Variants in DNAH6 observed in about 807,000 individuals in gnomAD.
DNAH6 encodes axonemal beta dynein heavy chain 6.
DNAH6 carries 340 observed loss-of-function variants against 491.4 expected under a neutral mutation model. The ratio of observed to expected loss-of-function variants is 0.69; its 90% CI spans 0.63 to 0.76. The LOEUF (loss-of-function observed/expected upper bound fraction) is 0.76. DNAH6 is among the 30% of genes least tolerant of loss of function. DNAH6 has a pLI of 0.00. For synonymous variants in DNAH6, 1,603 were observed against 1,686.1 expected (o/e 0.95, Z 1.21); for missense variants, 4,443 against 4,972.2 (o/e 0.89, Z 3.20).
intron 43 of DNAH6, among the ~76,000 whole-genome samples, 194 bp downstream of exon 43, chr2:84,685,666 G>A (rs980635819): frequency 6.6e-6 from 1 of 151,886 alleles, no homozygotes; most frequent in African/African-American, 2.4e-5. Context: ...TTCAGGAAGG[G>A]TCAGTCGGGC....
At chr2:84,666,596 T>C (rs4832105) in intron 37 of DNAH6, among the ~76,000 whole-genome samples, 116,814 of 152,006 alleles carry the variant, frequency 0.77, 47,090 homozygotes, top group East Asian at 0.93. Context: ...CTCAACAAAA[T>C]AAAAGATGAC....
chr2:84,460,903 A>G, the DNAH6 span, among the ~76,000 whole-genome samples: 1 of 152,242 alleles, frequency 6.6e-6, no homozygotes, highest in African/African-American at 2.4e-5. Flanking sequence ...GGTTTTGCCT[A>G]GGCCTTTCCT....
At chr2:84,569,273 G>A (rs1681535990) in intron 11 of DNAH6, among the ~76,000 whole-genome samples, 1 of 151,870 alleles carries the variant, frequency 6.6e-6, no homozygotes, top group Admixed American at 6.6e-5. Context: ...AAAAGGCAAA[G>A]TACAAAAGAA....
At chr2:84,561,080 T>C (rs1461191508) in intron 11 of DNAH6, among the ~76,000 whole-genome samples, 4 of 151,884 alleles carry the variant, frequency 2.6e-5, no homozygotes, top group African/African-American at 4.8e-5. Flanking sequence ...CCACCAACAG[T>C]GTAAAAGTGT....
At chr2:84,535,457 T>C (rs1008569681) in intron 4 of DNAH6, among the ~76,000 whole-genome samples, 2 of 151,966 alleles carry the variant, frequency 1.3e-5, no homozygotes, top group African/African-American at 4.8e-5. Context: ...TCAACACCTT[T>C]TCAGAGATAT....
At chr2:84,596,074 G>A (rs1684548956) in intron 18 of DNAH6, among the ~76,000 whole-genome samples, 2 of 152,158 alleles carry the variant, frequency 1.3e-5, no homozygotes, top group South Asian at 2.1e-4. Flanking sequence ...AGATACTGAT[G>A]TGCTCAAACC....
chr2:84,760,301 TA>T (rs1674448533), intron 63 of DNAH6, among the ~76,000 whole-genome samples: 1 of 145,158 alleles, frequency 6.9e-6, no homozygotes, highest in African/African-American at 2.7e-5. Flanking sequence ...CAACAAAAAA[TA>T]GGCAAATGGG....
chr2:84,642,563 C>G (rs1689518057), intron 33 of DNAH6, among the ~76,000 whole-genome samples: 1 of 151,936 alleles, frequency 6.6e-6, no homozygotes, highest in Non-Finnish European at 1.5e-5. Flanking sequence ...TTCTGCTATC[C>G]CCCTCCAAAC....
At chr2:84,765,957 G>T (rs1009090339) in intron 64 of DNAH6, among the ~76,000 whole-genome samples, 23 of 152,120 alleles carry the variant, frequency 1.5e-4, no homozygotes, top group African/African-American at 5.3e-4. Flanking sequence ...TGAAGCAAAA[G>T]ATTTTATTAA....
intron 12 of DNAH6, among the ~76,000 whole-genome samples, chr2:84,576,310 G>T (rs975663788): frequency 6.6e-6 from 1 of 152,034 alleles, no homozygotes; most frequent in Non-Finnish European, 1.5e-5. Context: ...GCCACACATG[G>T]GTTAAAGACC....
intron 63 of DNAH6, among the ~76,000 whole-genome samples, chr2:84,747,271 C>T (rs1309707914): frequency 6.6e-6 from 1 of 152,166 alleles, no homozygotes; most frequent in African/African-American, 2.4e-5. Context: ...TTCCTTCCAC[C>T]TACGAACCCA....
At chr2:84,712,399 A>G (rs973130702) in intron 56 of DNAH6, among the ~76,000 whole-genome samples, 8 of 152,224 alleles carry the variant, frequency 5.3e-5, no homozygotes, top group Non-Finnish European at 1.0e-4. Context: ...ACGTCCTGAC[A>G]TAAAGATGTT....
intron 33 of DNAH6, among the ~76,000 whole-genome samples, chr2:84,651,274 T>A (rs1043464692): frequency 1.6e-4 from 25 of 152,088 alleles, no homozygotes; most frequent in Non-Finnish European, 4.4e-5. Flanking sequence ...AGGCTTCCCA[T>A]ATGGTCTACA....
In DNAH6 at chr2:84,701,105, A is replaced by AAT. The variant is rs1267064076; in HGVS notation, c.7827_7828insAT (p.Glu2610MetfsTer22). ...TTTTCCTTGATTCACAGTGGCCCAG[A>AAT]GAAGCACTTCTTTCTGTGTCAAAGA... On this transcript the variant is annotated frameshift_variant, in exon 49 of 77. Transcript: ENST00000389394. LOFTEE classifies it high-confidence loss of function. 3 of 1,550,452 alleles carry AAT rather than the reference A, an allele frequency of 1.9e-6. No homozygotes were observed. The African/African-American group carries it at 4.1e-5, about 21-fold the overall frequency.
chr2:84,696,542 A>G (rs1463796721), intron 46 of DNAH6, among the ~76,000 whole-genome samples: 1 of 152,038 alleles, frequency 6.6e-6, no homozygotes, highest in African/African-American at 2.4e-5. Context: ...GTCACAAGAC[A>G]CATAAGAAAA....
chr2:84,784,641 G>T, intron 65 of DNAH6, 81 bp from the exon 66 acceptor site: 1 of 851,510 alleles, frequency 1.2e-6, no homozygotes, highest in Admixed American at 2.4e-5. Flanking sequence ...TCCTTCTCTA[G>T]AAATAATCAT....
chr2:84,525,560 C>T lies in DNAH6; in HGVS notation c.226-5C>T, dbSNP rs949717862. On this transcript the variant is annotated splice_region_variant and splice_polypyrimidine_tract_variant and intron_variant, in intron 2 of 76. Coordinates refer to ENST00000389394, the MANE Select transcript of DNAH6 (RefSeq NM_001370.2). Reference sequence around the variant, plus strand: ...AAAATTAACATGTCTCTCTATTTCCCAAAGCCAGTGCTAAAAGTCTACCAA... The same window carrying T: ...AAAATTAACATGTCTCTCTATTTCCTAAAGCCAGTGCTAAAAGTCTACCAA... 2 of 1,534,990 alleles carry T rather than the reference C, an allele frequency of 1.3e-6. No individual in the cohort carries two copies. Among genetic ancestry groups the T allele is most frequent in the Admixed American group, 2.2e-5 (1 of 45,942 alleles).
intron 64 of DNAH6, among the ~76,000 whole-genome samples, chr2:84,771,494 T>G (rs1295696164): frequency 6.6e-6 from 1 of 152,094 alleles, no homozygotes; most frequent in African/African-American, 2.4e-5. Flanking sequence ...CTAAGTAGGA[T>G]AAACTCAAAG....
Position 84,815,970 on chromosome 2 carries a change from C to T in DNAH6, c.12260C>T (p.Pro4087Leu). ...GATGCATTGCCCGGACAGATGAATC[C>T]AGTGCTGCCTGTGGTGCATTTTGAA... is the stretch of plus-strand genomic sequence containing the variant. The part of the protein sequence containing the change: ...IEDALPGQMN[P>L]VLPVVHFEPQ... Residue 4087 changes from proline to leucine, a missense_variant, in exon 76 of 77, where the codon CCA (proline) becomes CTA (leucine). By Grantham distance (98) the Pro-to-Leu change is moderately conservative. Around this residue, in one of 3 missense-constraint regions of DNAH6, gnomAD observed 1,463 missense variants for 1,656.6 expected, o/e 0.88. Coordinates refer to ENST00000389394, the MANE Select transcript of DNAH6 (RefSeq NM_001370.2). 6.4e-7 allele frequency: 1 copy of T among 1,551,846 alleles called. No homozygotes were observed. Among genetic ancestry groups the T allele is most frequent in the East Asian group, 2.4e-5 (1 of 40,916 alleles).
Sources: gnomAD v4.1 joint callset for allele counts (sites outside exome capture counted in the v4.1 genomes callset) on GRCh38, gnomAD v4.1.1 for gene constraint, gnomAD v4.1.1 regional missense constraint, MANE v1.5 for transcripts, NCBI Gene and HGNC (gene_info 2026-07-23, HGNC 2026-07-21) for gene names.